Variants in BCAS3 observed in about 807,000 individuals in gnomAD.
BCAS3 encodes the protein BCAS4/BCAS3 fusion.
BCAS3 carries 53 observed loss-of-function variants against 116.1 expected under a neutral mutation model. The observed-to-expected ratio is 0.46, with a 90% confidence interval of 0.37 to 0.57. The LOEUF is 0.57. Ranked by LOEUF, BCAS3 falls within the 20% of genes least tolerant of loss-of-function variation. The pLI is 0.00. For missense variants in BCAS3, 917 were observed against 1,165.4 expected (o/e 0.79, Z 3.10); for synonymous variants, 391 against 408.2 (o/e 0.96, Z 0.51).
At chr17:61,040,017 A>G (rs2067377792) in intron 18 of BCAS3, among the ~76,000 whole-genome samples, 1 of 152,226 alleles carries the variant, frequency 6.6e-6, no homozygotes, top group South Asian at 2.1e-4. Flanking sequence ...AATGATTAGA[A>G]TCTTTATAAG....
chr17:60,767,707 T>C (rs540775432), intron 6 of BCAS3, among the ~76,000 whole-genome samples: 1 of 152,306 alleles, frequency 6.6e-6, no homozygotes, highest in South Asian at 2.1e-4. Context: ...TGGAGCTTTC[T>C]TATTTCCTTG....
Position 60,732,612 on chromosome 17 carries a change from G to A in BCAS3, c.322-14586G>A, listed in dbSNP as rs192264472. ...TCCCAGCACTTTGGGAGGCTGAGGC[G>A]GGCAGATCACGAGGTCAAGAGATCA... On this transcript the variant is annotated intron_variant, in intron 5 of 23. Coordinates refer to ENST00000407086, the MANE Select transcript of BCAS3 (RefSeq NM_017679.5). Among the ~76,000 whole-genome samples, 472 of 152,024 alleles carry A rather than the reference G, an allele frequency of 3.1e-3. 2 individuals are homozygous for A. The highest frequency in any genetic ancestry group is 5.1e-3 in the Admixed American group (78 of 15,244).
rs1000478596 is a variant in BCAS3 at position 60,921,429 on chromosome 17, C to T, written c.994-2978C>T. On this transcript the variant is annotated intron_variant, in intron 12 of 23. Transcript: ENST00000407086. ...GAGATCGAGACCATCCCGGCTAAAA[C>T]GGTGAAACCCCGTCTCTACTAAAAA... Among the ~76,000 whole-genome samples the T allele has an allele frequency of 2.6e-4, 39 of 151,870 alleles. 1 individual carries two copies. The South Asian group carries it at 6.9e-3, about 27-fold the overall frequency.
intron 6 of BCAS3, among the ~76,000 whole-genome samples, chr17:60,804,434 T>C (rs2048093314): frequency 6.6e-6 from 1 of 151,956 alleles, no homozygotes; most frequent in African/African-American, 2.4e-5. Context: ...TGTGCCGAGA[T>C]CATGCCATTG....
At chr17:60,982,952 G>A (rs1054608770) in intron 14 of BCAS3, among the ~76,000 whole-genome samples, 2 of 152,112 alleles carry the variant, frequency 1.3e-5, no homozygotes, top group Non-Finnish European at 2.9e-5. Context: ...GGCCAACCAG[G>A]AGCACATATA....
chr17:61,092,187 C>T (rs1403705813), intron 22 of BCAS3, among the ~76,000 whole-genome samples: 1 of 152,180 alleles, frequency 6.6e-6, no homozygotes, highest in Non-Finnish European at 1.5e-5. Context: ...ACATGAATCA[C>T]TAGTTCATTT....
intron 22 of BCAS3, among the ~76,000 whole-genome samples, chr17:61,275,888 AT>A (rs1373804738): frequency 6.6e-6 from 1 of 152,200 alleles, no homozygotes; most frequent in African/African-American, 2.4e-5. Flanking sequence ...ACCCCAACTC[AT>A]AATCATACAT....
intron 13 of BCAS3, among the ~76,000 whole-genome samples, chr17:60,937,500 C>T (rs1328093246): frequency 6.6e-6 from 1 of 152,102 alleles, no homozygotes. Context: ...AAGTATACGG[C>T]TTGTTGAATT....
intron 7 of BCAS3, among the ~76,000 whole-genome samples, chr17:60,856,417 G>A (rs207476523): frequency 6.6e-6 from 1 of 152,142 alleles, no homozygotes; most frequent in Non-Finnish European, 1.5e-5. Flanking sequence ...GGCTGGGTGT[G>A]GTGGCTCATG....
intron 22 of BCAS3, among the ~76,000 whole-genome samples, chr17:61,114,576 G>A (rs1178568694): frequency 2.2e-3 from 334 of 151,400 alleles, no homozygotes; most frequent in African/African-American, 6.5e-3. Context: ...ACCACTGCTC[G>A]AGGAAATAAA....
In BCAS3 at chr17:61,186,883, T is replaced by C. The variant is rs2079809825; in HGVS notation, c.2425+102319T>C. Reference sequence around the variant, plus strand: ...CCGCCACCATGTCCAGCTAATTTTTTGTATTTTTAATAGAGACAGGGTTTC... The same window carrying C: ...CCGCCACCATGTCCAGCTAATTTTTCGTATTTTTAATAGAGACAGGGTTTC... On this transcript the variant is annotated intron_variant, in intron 22 of 23. Transcript: ENST00000407086. This position sits in a 1 kb window ranked among gnomAD's most constrained non-coding sequence, Gnocchi z 4.9. Among the ~76,000 whole-genome samples, 1 of 152,156 alleles carries C rather than the reference T, an allele frequency of 6.6e-6. No homozygotes were observed. Among genetic ancestry groups the C allele is most frequent in the East Asian group, 1.9e-4 (1 of 5,190 alleles).
At position 61,203,408 on chromosome 17, in the gene BCAS3, G is replaced by A. The variant is rs145283365; in HGVS notation, c.2425+118844G>A. Among the ~76,000 whole-genome samples, 514 of 152,098 alleles carry A rather than the reference G, an allele frequency of 3.4e-3. 4 individuals are homozygous for A. The highest frequency in any genetic ancestry group is 0.012 in the African/African-American group (498 of 41,480). ...CCTGACCTTGTGATCTGCTCACCTCGGCCTCCCAAAGTGCTGGTATCACAG... is the reference window on the plus strand; with the variant it reads ...CCTGACCTTGTGATCTGCTCACCTCAGCCTCCCAAAGTGCTGGTATCACAG... On this transcript the variant is annotated intron_variant, in intron 22 of 23. Transcript: ENST00000407086. This position sits in a 1 kb window ranked among gnomAD's most constrained non-coding sequence, Gnocchi z 5.7.
chr17:61,013,569 G>A lies in BCAS3; in HGVS notation c.1487-2182G>A, dbSNP rs79194109. 0.054 allele frequency among the ~76,000 whole-genome samples: 8,173 copies of A among 152,048 alleles called. 764 individuals are homozygous for A. The highest frequency in any genetic ancestry group is 0.19 in the African/African-American group (7,692 of 41,468). On this transcript the variant is annotated intron_variant, in intron 15 of 23. Coordinates refer to ENST00000407086, the MANE Select transcript of BCAS3 (RefSeq NM_017679.5). This position sits in a 1 kb window ranked among gnomAD's most constrained non-coding sequence, Gnocchi z 4.4. ...CTCTTCATATTTTCTACAAGGTTCT[G>A]TGTTGTGGCCTAAATCATCTTGTGT...
rs757947063 is a variant in BCAS3 at position 61,132,547 on chromosome 17, C to T, written c.2425+47983C>T. Among the ~76,000 whole-genome samples, 6 of 152,098 alleles carry T rather than the reference C, an allele frequency of 3.9e-5. No homozygotes were observed. The highest frequency in any genetic ancestry group is 7.2e-5 in the African/African-American group (3 of 41,388). ...TGGTAAGAATATAGATTGTTTGTGC[C>T]GGGCTTATACAATGGGTCTCTAAAC... On this transcript the variant is annotated intron_variant, in intron 22 of 23. Transcript: ENST00000407086. This position sits in a 1 kb window ranked among gnomAD's most constrained non-coding sequence, Gnocchi z 5.1.
chr17:61,209,672 T>C (rs2081343014), intron 22 of BCAS3, among the ~76,000 whole-genome samples: 1 of 152,172 alleles, frequency 6.6e-6, no homozygotes, highest in African/African-American at 2.4e-5. Context: ...TTGTCCAAAG[T>C]GACAAAAAGA....
intron 6 of BCAS3, among the ~76,000 whole-genome samples, chr17:60,764,174 C>CT (rs1217878141): frequency 1.2e-4 from 18 of 144,854 alleles, no homozygotes. Context: ...TTTTTTTGAA[C>CT]TTTTTTGTGT....
At position 61,126,043 on chromosome 17, in the gene BCAS3, G is replaced by A. The variant is rs2076030133; in HGVS notation, c.2425+41479G>A. 6.6e-6 allele frequency among the ~76,000 whole-genome samples: 1 copy of A among 152,166 alleles called. No individual in the cohort carries two copies. Among genetic ancestry groups the A allele is most frequent in the Non-Finnish European group, 1.5e-5 (1 of 68,000 alleles). ...TGAATTGTGTTATTGGGAATTCTGA[G>A]TAATGTGAAATGTATGTGAATTGGA... On this transcript the variant is annotated intron_variant, in intron 22 of 23. Coordinates refer to ENST00000407086, the MANE Select transcript of BCAS3 (RefSeq NM_017679.5). The surrounding 1 kb of genome is among the most constrained non-coding windows in gnomAD (Gnocchi z 4.6).
intron 6 of BCAS3, among the ~76,000 whole-genome samples, chr17:60,755,340 A>G (rs11079402): frequency 0.73 from 110,367 of 152,138 alleles, 45,748 homozygotes; most frequent in South Asian, 0.98. Context: ...TGTATACATT[A>G]TTACCACTTT....
intron 22 of BCAS3, among the ~76,000 whole-genome samples, chr17:61,312,063 G>A (rs2054356326): frequency 6.6e-6 from 1 of 152,210 alleles, no homozygotes; most frequent in African/African-American, 2.4e-5. Flanking sequence ...AACAAAACAG[G>A]AGGGGAGAAT....
Sources: gnomAD v4.1 joint callset for allele counts (sites outside exome capture counted in the v4.1 genomes callset) on GRCh38, gnomAD v4.1.1 for gene constraint, Gnocchi (gnomAD v3.1) non-coding constraint, MANE v1.5 for transcripts, NCBI Gene and HGNC (gene_info 2026-07-23, HGNC 2026-07-21) for gene names.